The following ZC3H11A variants were observed in gnomAD, a reference collection of about 807,000 sequenced individuals.
ZC3H11A encodes zinc finger CCCH domain-containing protein 11A.
ZC3H11A carries 22 observed loss-of-function variants against 90.8 expected under a neutral mutation model. That is an observed-to-expected ratio of 0.24 (90% CI 0.17 to 0.35). ZC3H11A has a LOEUF of 0.35. Among genes scored for constraint, ZC3H11A ranks in the 10% least tolerant of loss-of-function variants. The pLI, the probability that ZC3H11A is intolerant of heterozygous loss-of-function variation, is 1.00. For synonymous variants in ZC3H11A, 294 were observed against 339.8 expected, an observed-to-expected ratio of 0.87 and a Z score of 1.48; for missense variants, 701 against 964.9, an observed-to-expected ratio of 0.73 and a Z score of 3.62.
chr1:203,820,710 C>G (rs1678334449), intron 4 of ZC3H11A, among the ~76,000 whole-genome samples: 1 of 151,948 alleles, frequency 6.6e-6, no homozygotes, highest in Admixed American at 6.6e-5. Flanking sequence ...GAATTGTTGG[C>G]CTCAAGTTAT....
chr1:203,797,738 G>T, intron 1 of ZC3H11A: 1 of 1,535,712 alleles, frequency 6.5e-7, no homozygotes, highest in Non-Finnish European at 8.7e-7. Context: ...GAATTAAGGG[G>T]AAAAGGCGTC....
At chr1:203,819,132 ATATGTATATGTGTGTATATACACACACG>A (rs1677450012) in intron 4 of ZC3H11A, among the ~76,000 whole-genome samples, 2 of 146,928 alleles carry the variant, frequency 1.4e-5, no homozygotes, top group African/African-American at 5.3e-5. Context: ...GTATATATAC[ATATGTATATGTGTGTATATACACACACG>A]TGTATATATG....
chr1:203,835,027 A>G (rs1479503803), intron 10 of ZC3H11A, among the ~76,000 whole-genome samples: 1 of 152,216 alleles, frequency 6.6e-6, no homozygotes, highest in Non-Finnish European at 1.5e-5. Context: ...AACCTTATCT[A>G]TCTCTATTTT....
Position 203,799,655 on chromosome 1 carries a change from G to A in ZC3H11A, c.-1587-1920G>A, listed in dbSNP as rs933806395. On this transcript the variant is annotated intron_variant, in intron 1 of 17. Transcript: ENST00000367210. The stretch of plus-strand genomic sequence containing the variant: ...GCGTGAAGACCGCAGGATTGAATCA[G>A]GTGCTACCCCTAATCCATCATCTAC... 3 of 704,196 alleles carry A rather than the reference G, an allele frequency of 4.3e-6. No homozygotes were observed. The African/African-American group carries it at 5.2e-5, about 12-fold the overall frequency. The allele number at this position is 704,196 out of a possible 1,614,324, so 43.6% of individuals were successfully genotyped here. A position where few individuals can be genotyped will look rare whatever the true frequency, so the allele number is the denominator to read the frequency against.
chr1:203,815,972 T>C (rs74138768), intron 2 of ZC3H11A, among the ~76,000 whole-genome samples: 4,011 of 152,302 alleles, frequency 0.026, 177 homozygotes, highest in African/African-American at 0.09. Flanking sequence ...ATCACTATTA[T>C]GGAAAGCCCC....
chr1:203,822,605 T>C (rs1326218921), intron 4 of ZC3H11A, among the ~76,000 whole-genome samples: 1 of 152,122 alleles, frequency 6.6e-6, no homozygotes, highest in Non-Finnish European at 1.5e-5. Context: ...TTTGATGCCA[T>C]TCTAGACTGA....
In ZC3H11A at chr1:203,820,775, C is replaced by T. The variant is rs947055188; in HGVS notation, c.174+2086C>T. Reference sequence around the variant, plus strand: ...GATTACAGGTGTGAGCCACGCCCGGCGAATGGTATTTTTGTTGCATATCAT... The same window carrying T: ...GATTACAGGTGTGAGCCACGCCCGGTGAATGGTATTTTTGTTGCATATCAT... On this transcript the variant is annotated intron_variant, in intron 4 of 17. Coordinates refer to ENST00000367210, the MANE Select transcript of ZC3H11A (RefSeq NM_001376342.1). 2.6e-5 allele frequency among the ~76,000 whole-genome samples: 4 copies of T among 151,928 alleles called. No homozygotes were observed. The East Asian group carries it at 7.7e-4, about 29-fold the overall frequency.
At chr1:203,799,281 T>C (rs1383579483) in intron 1 of ZC3H11A, 1 of 727,834 alleles carries the variant, frequency 1.4e-6, no homozygotes, top group Non-Finnish European at 2.5e-6. Flanking sequence ...CTTCCTGCAT[T>C]GTTTAAATAT....
chr1:203,828,415 G>C lies in ZC3H11A; in HGVS notation c.291G>C (p.Pro97=), dbSNP rs1558122198. 1.9e-6 allele frequency: 3 copies of C among 1,610,644 alleles called. No individual in the cohort carries two copies. Among genetic ancestry groups the C allele is most frequent in the Non-Finnish European group, 2.5e-6 (3 of 1,178,106 alleles). The change falls in exon 5 of 18, where the codon CCG becomes CCC. Residue 97 remains proline, a synonymous_variant. Coordinates refer to ENST00000367210, the MANE Select transcript of ZC3H11A (RefSeq NM_001376342.1). ...GRYVDGLFLP[P]SKTVLPTVPE... Reference sequence around the variant, plus strand: ...ATGTTGATGGCCTTTTCCTACCTCCGAGCAAAAGTGAGATCAGTTTTTAAT... The same window carrying C: ...ATGTTGATGGCCTTTTCCTACCTCCCAGCAAAAGTGAGATCAGTTTTTAAT...
chr1:203,807,671 T>A (rs1048739661), intron 2 of ZC3H11A, among the ~76,000 whole-genome samples: 1 of 152,036 alleles, frequency 6.6e-6, no homozygotes, highest in Non-Finnish European at 1.5e-5. Context: ...GGACCACAGA[T>A]GTATGGACCA....
intron 13 of ZC3H11A, 147 bp downstream of exon 13, chr1:203,847,834 T>C (rs1688299163): frequency 1.7e-6 from 2 of 1,190,590 alleles, no homozygotes; most frequent in Non-Finnish European, 2.3e-6. Flanking sequence ...TTTTCAGTAG[T>C]GCTATGTAGA....
intron 15 of ZC3H11A, 147 bp downstream of exon 15, chr1:203,850,173 A>C: frequency 1.4e-6 from 1 of 731,932 alleles, no homozygotes; most frequent in South Asian, 1.9e-5. Flanking sequence ...TGATATTTTT[A>C]TACAGAGGCA....
At chr1:203,805,314 G>A (rs911750756) in intron 2 of ZC3H11A, among the ~76,000 whole-genome samples, 5 of 151,756 alleles carry the variant, frequency 3.3e-5, no homozygotes, top group Admixed American at 2.6e-4. Context: ...TGTATTTTTA[G>A]TAGAGATGGG....
At chr1:203,797,538 C>CTT in intron 1 of ZC3H11A, 3 of 1,520,986 alleles carry the variant, frequency 2.0e-6, no homozygotes, top group Non-Finnish European at 2.6e-6. Flanking sequence ...TGTATGTACT[C>CTT]TAAGTGTACC....
chr1:203,819,776 C>T (rs1677865815), intron 4 of ZC3H11A, among the ~76,000 whole-genome samples: 1 of 144,230 alleles, frequency 6.9e-6, no homozygotes, highest in Admixed American at 6.9e-5. Flanking sequence ...TCTGGTGATC[C>T]ACTTGCCTCG....
chr1:203,841,421 AT>A (rs1686159796), intron 12 of ZC3H11A, among the ~76,000 whole-genome samples: 1 of 152,198 alleles, frequency 6.6e-6, no homozygotes, highest in Non-Finnish European at 1.5e-5. Context: ...CCCTTAATCA[AT>A]TTAACCCTGT....
chr1:203,820,896 C>T (rs1273902923), intron 4 of ZC3H11A, among the ~76,000 whole-genome samples: 1 of 152,112 alleles, frequency 6.6e-6, no homozygotes, highest in African/African-American at 2.4e-5. Context: ...ATTATAAAGG[C>T]TTTCTTTTTG....
At position 203,818,655 on chromosome 1, in the gene ZC3H11A, G is replaced by C; in HGVS notation, c.140G>C (p.Arg47Pro). The change falls in exon 4 of 18, where the codon CGA becomes CCA. Residue 47 changes from arginine to proline, a missense_variant. Coordinates refer to ENST00000367210, the MANE Select transcript of ZC3H11A (RefSeq NM_001376342.1). Reference protein sequence around the residue: ...CTLWQEGRCFRQVCRFRHMEI... With the variant: ...CTLWQEGRCFPQVCRFRHMEI... ...TTATGGCAAGAAGGGCGCTGTTTTC[G>C]ACAGGTGTGCAGGTTTCGGCACATG... 1 of 1,614,138 alleles carries C rather than the reference G, an allele frequency of 6.2e-7. No individual in the cohort carries two copies. Among genetic ancestry groups the C allele is most frequent in the East Asian group, 2.2e-5 (1 of 44,876 alleles).
Position 203,811,146 on chromosome 1 carries a change from A to C in ZC3H11A, c.-145-5780A>C, listed in dbSNP as rs1404557585. 6.0e-5 allele frequency among the ~76,000 whole-genome samples: 9 copies of C among 149,674 alleles called. No homozygotes were observed. The East Asian group carries it at 1.8e-3, about 29-fold the overall frequency. On this transcript the variant is annotated intron_variant, in intron 2 of 17. Coordinates refer to ENST00000367210, the MANE Select transcript of ZC3H11A (RefSeq NM_001376342.1). Reference sequence around the variant, plus strand: ...GTAGAAGAGTGAAACTCTGTCACAAAAAAAAAAAAAAAAAAGCCAAGTGTG... The same window carrying C: ...GTAGAAGAGTGAAACTCTGTCACAACAAAAAAAAAAAAAAAGCCAAGTGTG...
Sources: allele counts gnomAD v4.1 joint callset (sites outside exome capture counted in the v4.1 genomes callset), GRCh38; gene constraint gnomAD v4.1.1; transcripts MANE v1.5; gene names NCBI Gene and HGNC (gene_info 2026-07-23, HGNC 2026-07-21).